DPRX: variants seen among roughly 807,000 people sequenced by gnomAD.
DPRX encodes divergent paired-related homeobox.
A neutral mutation model predicts 8.4 loss-of-function variants in DPRX; 11 were observed. That is an observed-to-expected ratio of 1.31 (90% confidence interval 0.82 to 2.17). DPRX has a LOEUF of 2.17. DPRX is among the 30% of genes most tolerant of loss of function. The probability of loss-of-function intolerance (pLI) is 0.00; values close to 1 mark genes in which losing one functional copy is unlikely to be tolerated. For synonymous variants in DPRX, 72 were observed against 87.0 expected (o/e 0.83, Z 0.96); for missense variants, 211 against 236.7 (o/e 0.89, Z 0.71).
At chr19:53,601,690 C>G in the DPRX span, among the ~76,000 whole-genome samples, 3 of 152,032 alleles carry the variant, frequency 2.0e-5, no homozygotes, top group East Asian at 3.9e-4. Flanking sequence ...CCATGTTGGT[C>G]AGGCTGGTCC....
chr19:53,607,557 T>C, the DPRX span, among the ~76,000 whole-genome samples: 2 of 151,328 alleles, frequency 1.3e-5, no homozygotes, highest in African/African-American at 4.9e-5. Flanking sequence ...AAAATAAAAA[T>C]AAGTTTTAGG....
the DPRX span, among the ~76,000 whole-genome samples, chr19:53,611,077 T>C: frequency 2.6e-5 from 4 of 152,040 alleles, no homozygotes; most frequent in African/African-American, 7.2e-5. Flanking sequence ...AATTTTTGTA[T>C]TTTTAGTAGA....
the DPRX span, among the ~76,000 whole-genome samples, chr19:53,623,104 G>A: frequency 6.6e-6 from 1 of 151,362 alleles, no homozygotes. Context: ...AGGAGATCGA[G>A]ACCATCCTGG....
At chr19:53,633,891 G>A (rs1057154299) in intron 1 of DPRX, among the ~76,000 whole-genome samples, 10 of 152,064 alleles carry the variant, frequency 6.6e-5, no homozygotes, top group Admixed American at 2.0e-4. Context: ...TGATCTGCCC[G>A]CCCTGGCCTC....
At chr19:53,609,326 C>G in the DPRX span, among the ~76,000 whole-genome samples, 132,909 of 151,554 alleles carry the variant, frequency 0.88, 58,577 homozygotes, top group East Asian at 0.98. Flanking sequence ...AAATTAGCTG[C>G]GCATGGTGGC....
chr19:53,636,202 C>A (rs2091111315), intron 2 of DPRX, among the ~76,000 whole-genome samples: 1 of 151,720 alleles, frequency 6.6e-6, no homozygotes, highest in Admixed American at 6.6e-5. Context: ...CCTGTCTGTA[C>A]TAAAAATACA....
At chr19:53,603,569 C>T in the DPRX span, 1 of 367,484 alleles carries the variant, frequency 2.7e-6, no homozygotes, top group South Asian at 2.0e-5. Flanking sequence ...GAGAGTAGGG[C>T]AAGATTAACC....
chr19:53,611,605 AAG>A, the DPRX span, among the ~76,000 whole-genome samples: 1 of 152,186 alleles, frequency 6.6e-6, no homozygotes. Flanking sequence ...TTGACATAAA[AAG>A]AGATTTTTAA....
the DPRX span, among the ~76,000 whole-genome samples, chr19:53,603,013 G>A: frequency 2.9e-5 from 4 of 139,508 alleles, no homozygotes; most frequent in Admixed American, 2.8e-4. Flanking sequence ...ATGTGTGTGT[G>A]TGTGTATATA....
At chr19:53,632,743 C>T (rs1166630050) in intron 1 of DPRX, among the ~76,000 whole-genome samples, 4 of 152,136 alleles carry the variant, frequency 2.6e-5, no homozygotes, top group African/African-American at 4.8e-5. Flanking sequence ...GGTGCCCGGC[C>T]GCGGCTGTCA....
chr19:53,601,584 C>T, the DPRX span, among the ~76,000 whole-genome samples: 12 of 151,150 alleles, frequency 7.9e-5, no homozygotes, highest in South Asian at 2.1e-4. Flanking sequence ...TGGGTTCAAG[C>T]GATTCTCCTG....
At chr19:53,628,697 G>C (rs12459053), upstream of DPRX, among the ~76,000 whole-genome samples, 135,436 of 151,832 alleles carry the variant, frequency 0.89, 60,549 homozygotes, top group African/African-American at 0.91. Flanking sequence ...TCAAATGATT[G>C]TCCTGCCTCA....
At chr19:53,606,700 C>CCA in the DPRX span, 1 of 150,040 alleles carries the variant, frequency 6.7e-6, no homozygotes, top group Non-Finnish European at 1.5e-5. This position sits in a 1 kb window ranked among gnomAD's most constrained non-coding sequence, Gnocchi z 4.8. Context: ...ATGCACCGGG[C>CCA]GGTGAGGGTG....
the DPRX span, among the ~76,000 whole-genome samples, chr19:53,614,491 G>A: frequency 6.6e-6 from 1 of 152,014 alleles, no homozygotes; most frequent in African/African-American, 2.4e-5. Context: ...TTGAGACCAG[G>A]AGTTCAAGAC....
intron 2 of DPRX, 145 bp downstream of exon 2, chr19:53,634,830 T>C (rs1217404324): frequency 8.4e-7 from 1 of 1,197,154 alleles, no homozygotes; most frequent in African/African-American, 1.5e-5. Context: ...CCGTAAACCT[T>C]TCTTCAACCC....
At chr19:53,611,615 T>A in the DPRX span, among the ~76,000 whole-genome samples, 2 of 151,832 alleles carry the variant, frequency 1.3e-5, no homozygotes, top group Admixed American at 1.3e-4. Flanking sequence ...AAGAGATTTT[T>A]AAAAAAAACA....
chr19:53,631,224 G>A (rs1403261177), upstream of DPRX, among the ~76,000 whole-genome samples: 1 of 151,440 alleles, frequency 6.6e-6, no homozygotes, highest in Non-Finnish European at 1.5e-5. Flanking sequence ...CTGAGAGGCG[G>A]AGGTTGCTGT....
chr19:53,625,131 T>A, the DPRX span, among the ~76,000 whole-genome samples: 11 of 142,334 alleles, frequency 7.7e-5, no homozygotes, highest in East Asian at 2.5e-3. Flanking sequence ...GGCACCACCA[T>A]AGCTCAACCT....
chr19:53,603,473 T>C, the DPRX span: 1 of 447,866 alleles, frequency 2.2e-6, no homozygotes, highest in African/African-American at 2.0e-5. Context: ...GGGATTCTGC[T>C]TTGGGTACAG....
Sources: gnomAD v4.1 joint callset for allele counts (sites outside exome capture counted in the v4.1 genomes callset) on GRCh38, gnomAD v4.1.1 for gene constraint, Gnocchi (gnomAD v3.1) non-coding constraint, MANE v1.5 for transcripts, NCBI Gene and HGNC (gene_info 2026-07-23, HGNC 2026-07-21) for gene names.